ZNF519: variants seen among roughly 807,000 people sequenced by gnomAD.
The protein encoded by ZNF519 is similar to Zinc finger protein 85 (Zinc finger protein HPF4) (HTF1).
ZNF519 carries 7 observed loss-of-function variants against 7.4 expected under a neutral mutation model. The ratio of observed to expected loss-of-function variants is 0.94; its 90% CI spans 0.54 to 1.77. The LOEUF (loss-of-function observed/expected upper bound fraction) is 1.77. Ranked by LOEUF, ZNF519 falls within the 40% of genes most tolerant of loss-of-function variation. ZNF519 has a pLI of 0.00. For synonymous variants in ZNF519, 179 were observed against 203.3 expected, an observed-to-expected ratio of 0.88 and a Z score of 1.02; for missense variants, 586 against 623.1, an observed-to-expected ratio of 0.94 and a Z score of 0.63.
downstream of ZNF519, among the ~76,000 whole-genome samples, chr18:14,095,545 T>C (rs1021159229): frequency 1.1e-4 from 16 of 152,224 alleles, no homozygotes; most frequent in African/African-American, 3.9e-4. Context: ...ATGAGGTTTA[T>C]TATTGGCTCT....
At chr18:14,075,999 G>A (rs1022281893) in exon 5 of ZNF519, 2 of 151,882 alleles carry the variant, frequency 1.3e-5, no homozygotes, top group African/African-American at 4.8e-5. Flanking sequence ...ATTCTACAAA[G>A]TAAGCAATTT....
rs1360337493 is a variant in ZNF519, at chr18:14,127,481, T to C, written c.4-3005A>G. Among the ~76,000 whole-genome samples, 4 of 152,180 alleles carry C rather than the reference T, an allele frequency of 2.6e-5. No homozygotes were observed. In the East Asian group the frequency reaches 7.7e-4, roughly 29 times the overall value. On this transcript the variant is annotated intron_variant, in intron 1 of 2. Transcript: ENST00000590202. ...TAAAACCAGAGGAAAGATCCTCTCA[T>C]GGAGGCTCCTTCAACACCTTTTCTT...
intron 2 of ZNF519, among the ~76,000 whole-genome samples, chr18:14,087,542 C>T (rs986630839): frequency 6.6e-6 from 1 of 152,092 alleles, no homozygotes; most frequent in Admixed American, 6.6e-5. Context: ...GTGACAAAAT[C>T]CCAAGTCTTC....
At chr18:14,121,183 A>C (rs568392881) in intron 2 of ZNF519, among the ~76,000 whole-genome samples, 70 of 152,248 alleles carry the variant, frequency 4.6e-4, no homozygotes, top group Middle Eastern at 3.4e-3. Flanking sequence ...TGAGGGTGGG[A>C]ATATGAGATG....
chr18:14,082,816 TA>T (rs1265973084), intron 3 of ZNF519: 1 of 152,046 alleles, frequency 6.6e-6, no homozygotes, highest in Non-Finnish European at 1.5e-5. Context: ...GCTACTCAAG[TA>T]GCTGGGACTA....
chr18:14,124,489 A>G lies in ZNF519; in HGVS notation c.4-13T>C, dbSNP rs774933117. The G allele has an allele frequency of 1.6e-5, 26 of 1,605,396 alleles. No individual in the cohort carries two copies. The highest frequency in any genetic ancestry group is 2.0e-5 in the Non-Finnish European group (24 of 1,178,074). On this transcript the variant is annotated splice_polypyrimidine_tract_variant and intron_variant, in intron 1 of 2. Coordinates refer to ENST00000590202, the MANE Select transcript of ZNF519 (RefSeq NM_145287.4). The stretch of plus-strand genomic sequence containing the variant: ...ATGTTAAGAGTTCCTGGAAACACAT[A>G]TATCAAGTGACAGAGCTCTTAATTT...
chr18:14,128,690 A>ACACACACAC (rs2046313825), intron 1 of ZNF519, among the ~76,000 whole-genome samples: 1 of 130,558 alleles, frequency 7.7e-6, no homozygotes, highest in African/African-American at 3.0e-5. Flanking sequence ...TTCTGAGTCA[A>ACACACACAC]ACACACACAC....
chr18:14,078,362 C>T (rs140424321), intron 3 of ZNF519: 57 of 152,236 alleles, frequency 3.7e-4, no homozygotes, highest in African/African-American at 1.2e-3. Context: ...TGTACATGTA[C>T]ATTATATATA....
intron 2 of ZNF519, among the ~76,000 whole-genome samples, chr18:14,114,238 A>C (rs2046235692): frequency 6.6e-6 from 1 of 152,116 alleles, no homozygotes; most frequent in African/African-American, 2.4e-5. Flanking sequence ...GTGAGTTTCT[A>C]CAATGTTTTC....
intron 3 of ZNF519, among the ~76,000 whole-genome samples, chr18:14,083,283 G>C (rs2046077134): frequency 6.6e-6 from 1 of 152,186 alleles, no homozygotes; most frequent in Non-Finnish European, 1.5e-5. Flanking sequence ...CTGGGAGGCA[G>C]AGGTTGCAGT....
chr18:14,097,023 C>T (rs1264012365), downstream of ZNF519, among the ~76,000 whole-genome samples: 2 of 152,140 alleles, frequency 1.3e-5, no homozygotes, highest in African/African-American at 4.8e-5. Flanking sequence ...AGTGATGTTG[C>T]TCTGCTGTGT....
intron 2 of ZNF519, among the ~76,000 whole-genome samples, chr18:14,121,247 T>G (rs535745386): frequency 6.6e-6 from 1 of 152,178 alleles, no homozygotes; most frequent in African/African-American, 2.4e-5. Context: ...AGAAATCTAA[T>G]GTACATTAGC....
intron 2 of ZNF519, among the ~76,000 whole-genome samples, chr18:14,092,495 C>A (rs977474587): frequency 9.9e-5 from 15 of 152,122 alleles, no homozygotes; most frequent in African/African-American, 3.4e-4. Context: ...GTTACCACAA[C>A]AGAGATGACG....
chr18:14,091,641 C>A (rs2143098672), intron 2 of ZNF519, among the ~76,000 whole-genome samples: 1 of 152,144 alleles, frequency 6.6e-6, no homozygotes, highest in African/African-American at 2.4e-5. Flanking sequence ...GAAGAAAAGG[C>A]AGATACCAAA....
chr18:14,076,314 T>A (rs1237558383), exon 5 of ZNF519: 1 of 152,206 alleles, frequency 6.6e-6, no homozygotes, highest in Admixed American at 6.5e-5. Context: ...ATATCACTTA[T>A]GATTCAGAGA....
chr18:14,116,658 C>A (rs964790461), intron 2 of ZNF519, among the ~76,000 whole-genome samples: 12 of 152,290 alleles, frequency 7.9e-5, no homozygotes, highest in African/African-American at 2.9e-4. Context: ...CAAAAACTGT[C>A]TTGAATGAGT....
At chr18:14,073,775 A>G (rs2143066478), downstream of ZNF519, 2 of 152,334 alleles carry the variant, frequency 1.3e-5, no homozygotes, top group South Asian at 4.1e-4. Flanking sequence ...AAAAATATGA[A>G]TGTAGATTAT....
intron 2 of ZNF519, among the ~76,000 whole-genome samples, chr18:14,089,269 T>C (rs1318172827): frequency 6.6e-6 from 1 of 152,214 alleles, no homozygotes; most frequent in Non-Finnish European, 1.5e-5. Flanking sequence ...TAAATGAAAC[T>C]AGACTAACTT....
At chr18:14,106,439 T>C in intron 2 of ZNF519, 30 bp from the exon 3 acceptor site, 1 of 1,519,816 alleles carries the variant, frequency 6.6e-7, no homozygotes, top group African/African-American at 1.4e-5. Context: ...CTAATTATTC[T>C]ACATACTGAT....
Sources: gnomAD v4.1 joint callset for allele counts (sites outside exome capture counted in the v4.1 genomes callset) on GRCh38, gnomAD v4.1.1 for gene constraint, MANE v1.5 for transcripts, NCBI Gene and HGNC (gene_info 2026-07-23, HGNC 2026-07-21) for gene names.